The following KIAA0825 variants were observed in gnomAD, a reference collection of about 807,000 sequenced individuals.
KIAA0825 encodes KIAA0825, also known as uncharacterized protein KIAA0825.
A neutral mutation model predicts 147.6 loss-of-function variants in KIAA0825; 119 were observed. That is an observed-to-expected ratio of 0.81 (90% confidence interval 0.69 to 0.94). The LOEUF is 0.94. KIAA0825 is among the 40% of genes least tolerant of loss of function. The probability of loss-of-function intolerance (pLI) is 0.00; values close to 1 mark genes in which losing one functional copy is unlikely to be tolerated. For missense variants in KIAA0825, 1,381 were observed against 1,472.7 expected (o/e 0.94, Z 1.02); for synonymous variants, 470 against 518.1 (o/e 0.91, Z 1.26).
intron 20 of KIAA0825, among the ~76,000 whole-genome samples, chr5:94,316,177 G>A (rs1357192342): frequency 6.6e-6 from 1 of 151,390 alleles, no homozygotes; most frequent in Non-Finnish European, 1.5e-5. Context: ...AAAAGTTTGT[G>A]TTTAAAGCAA....
intron 5 of KIAA0825, among the ~76,000 whole-genome samples, chr5:94,512,999 T>C (rs1356802611): frequency 6.6e-6 from 1 of 152,198 alleles, no homozygotes; most frequent in African/African-American, 2.4e-5. Context: ...TAGCACTCTG[T>C]ACGCTGTAGC....
intron 20 of KIAA0825, among the ~76,000 whole-genome samples, chr5:94,309,956 T>C (rs1779012435): frequency 6.6e-6 from 1 of 151,682 alleles, no homozygotes; most frequent in African/African-American, 2.4e-5. Flanking sequence ...ATAAATCTGT[T>C]AAAAGCATCT....
chr5:94,560,698 AT>A (rs1486219606), intron 2 of KIAA0825, among the ~76,000 whole-genome samples: 2 of 152,306 alleles, frequency 1.3e-5, no homozygotes, highest in African/African-American at 4.8e-5. Flanking sequence ...AAGATCTTAA[AT>A]GGTCACCAAA....
chr5:94,501,168 T>TA (rs937709086), intron 5 of KIAA0825, among the ~76,000 whole-genome samples: 9 of 152,092 alleles, frequency 5.9e-5, no homozygotes, highest in Admixed American at 2.0e-4. Flanking sequence ...GATTTAAAAA[T>TA]AAAAAAATAT....
chr5:94,394,790 T>A (rs2150575664), intron 17 of KIAA0825, among the ~76,000 whole-genome samples: 1 of 152,298 alleles, frequency 6.6e-6, no homozygotes, highest in East Asian at 1.9e-4. Flanking sequence ...TAGTGTTGAA[T>A]GCAAATAGAA....
chr5:94,425,644 C>G (rs1754759857), intron 14 of KIAA0825, among the ~76,000 whole-genome samples: 2 of 152,086 alleles, frequency 1.3e-5, no homozygotes, highest in African/African-American at 4.8e-5. Flanking sequence ...CAAACCAAAA[C>G]AAAACCCATA....
intron 20 of KIAA0825, among the ~76,000 whole-genome samples, chr5:94,197,998 T>C (rs978792017): frequency 6.6e-6 from 1 of 152,220 alleles, no homozygotes; most frequent in Non-Finnish European, 1.5e-5. Context: ...TTTTTTCTAG[T>C]TCTGTGTAAA....
rs1301211657 is a variant in KIAA0825, at chr5:94,484,835, C to A, written c.1066G>T (p.Glu356Ter). 3 of 1,531,538 alleles carry A rather than the reference C, an allele frequency of 2.0e-6. No homozygotes were observed. The highest frequency in any genetic ancestry group is 4.0e-5 in the Admixed American group (2 of 50,474). 94.9% of individuals were successfully genotyped at this position (1,531,538 alleles called of 1,614,324 possible). Residue 356 changes from glutamate (E) to a stop codon, truncating the protein, a stop_gained, in exon 6 of 21, where the codon GAA becomes TAA. Coordinates refer to ENST00000682413, the MANE Select transcript of KIAA0825 (RefSeq NM_001145678.3). LOFTEE classifies it high-confidence loss of function. ...SQLIKSFMKL[E>*]KGVQELFDEI... The stretch of plus-strand genomic sequence containing the variant: ...TCAAACAATTCTTGAACACCTTTTT[C>A]CAGTTTCATAAAGGATTTTATGAGC...
intron 20 of KIAA0825, among the ~76,000 whole-genome samples, chr5:94,283,636 T>C (rs1430773901): frequency 6.6e-6 from 1 of 152,126 alleles, no homozygotes; most frequent in Non-Finnish European, 1.5e-5. Flanking sequence ...AAGAGATAAA[T>C]TTTAGCTTAC....
chr5:94,222,252 G>C (rs1773728502), intron 20 of KIAA0825, among the ~76,000 whole-genome samples: 1 of 152,094 alleles, frequency 6.6e-6, no homozygotes. Flanking sequence ...GGAGATTCTT[G>C]GGCCTTTCTC....
intron 14 of KIAA0825, among the ~76,000 whole-genome samples, chr5:94,439,659 G>A (rs1399195666): frequency 6.6e-6 from 1 of 152,010 alleles, no homozygotes; most frequent in African/African-American, 2.4e-5. Flanking sequence ...TTCAGATTGT[G>A]CTTTGGAAAT....
intron 15 of KIAA0825, among the ~76,000 whole-genome samples, chr5:94,411,167 A>G (rs1752716668): frequency 6.6e-6 from 1 of 152,180 alleles, no homozygotes; most frequent in African/African-American, 2.4e-5. Flanking sequence ...GTGATGGGTT[A>G]AAGATACATA....
intron 13 of KIAA0825, among the ~76,000 whole-genome samples, chr5:94,443,495 A>G (rs1449688253): frequency 6.6e-6 from 1 of 152,050 alleles, no homozygotes; most frequent in East Asian, 1.9e-4. Context: ...GGATGAATTG[A>G]TGGCTGGGTT....
rs1172838355 is a variant in KIAA0825 at position 94,356,725 on chromosome 5, C to CTTTTTT, written c.3710+27637_3710+27642dup. 1.1e-4 allele frequency among the ~76,000 whole-genome samples: 13 copies of CTTTTTT among 116,738 alleles called. 1 individual carries two copies. The highest frequency in any genetic ancestry group is 4.4e-4 in the African/African-American group (13 of 29,466). The allele number at this position is 116,738 out of a possible 152,430, so 76.6% of individuals were successfully genotyped here. A position where few individuals can be genotyped will look rare whatever the true frequency, so the allele number is the denominator to read the frequency against. ...TCAAACTTAAGGTTTAACTTGATTTCTTTTTTTTTTTTTTTTTGAGACGGA... is the reference window on the plus strand; with the variant it reads ...TCAAACTTAAGGTTTAACTTGATTTCTTTTTTTTTTTTTTTTTTTTTTTGAGACGGA... On this transcript the variant is annotated intron_variant, in intron 20 of 20. Coordinates refer to ENST00000682413, the MANE Select transcript of KIAA0825 (RefSeq NM_001145678.3).
intron 2 of KIAA0825, among the ~76,000 whole-genome samples, chr5:94,572,599 A>G (rs908783605): frequency 1.3e-5 from 2 of 152,072 alleles, no homozygotes; most frequent in Non-Finnish European, 2.9e-5. Context: ...ATTATAATCT[A>G]CCTTTCTATG....
chr5:94,370,319 G>A (rs942811553), intron 20 of KIAA0825, among the ~76,000 whole-genome samples: 17 of 152,112 alleles, frequency 1.1e-4, no homozygotes, highest in African/African-American at 3.9e-4. Context: ...TTTTGAGGGT[G>A]ATAAAACTCT....
At chr5:94,440,197 T>C in intron 13 of KIAA0825, 76 bp from the exon 14 acceptor site, 1 of 1,344,584 alleles carries the variant, frequency 7.4e-7, no homozygotes, top group East Asian at 2.5e-5. Context: ...AGTACAGATG[T>C]AATGCTAACT....
chr5:94,211,822 T>C (rs1772735715), intron 20 of KIAA0825, among the ~76,000 whole-genome samples: 1 of 152,196 alleles, frequency 6.6e-6, no homozygotes, highest in African/African-American at 2.4e-5. Context: ...TCCAGGATCA[T>C]CATATTTTCT....
chr5:94,321,303 T>C (rs1584106595), intron 20 of KIAA0825, among the ~76,000 whole-genome samples: 1 of 152,122 alleles, frequency 6.6e-6, no homozygotes, highest in East Asian at 1.9e-4. Flanking sequence ...GTACTCAAAG[T>C]GAGTAGCTAA....
Sources: allele counts gnomAD v4.1 joint callset (sites outside exome capture counted in the v4.1 genomes callset), GRCh38; gene constraint gnomAD v4.1.1; transcripts MANE v1.5; gene names NCBI Gene and HGNC (gene_info 2026-07-23, HGNC 2026-07-21).